DIP2C: variants seen among roughly 807,000 people sequenced by gnomAD.
DIP2C encodes the protein DIP2 acetate--CoA ligase C (putative), also known as disco-interacting protein 2 homolog C.
Under a neutral mutation model 192.4 loss-of-function variants are expected in DIP2C, and 33 were observed. The ratio of observed to expected loss-of-function variants is 0.17; its 90% CI spans 0.13 to 0.23. The LOEUF (loss-of-function observed/expected upper bound fraction) is 0.23, where lower values mean the gene tolerates loss of function less well. Among genes scored for constraint, DIP2C ranks in the 10% least tolerant of loss-of-function variants. The probability of loss-of-function intolerance (pLI) is 1.00; values close to 1 mark genes in which losing one functional copy is unlikely to be tolerated. For synonymous variants in DIP2C, 979 were observed against 864.1 expected, an observed-to-expected ratio of 1.13 and a Z score of -2.33; for missense variants, 1,537 against 2,110.1, an observed-to-expected ratio of 0.73 and a Z score of 5.32.
intron 14 of DIP2C, among the ~76,000 whole-genome samples, chr10:385,024 G>A (rs1369611829): frequency 6.8e-6 from 1 of 147,478 alleles, no homozygotes. Context: ...CTCAGAGAGT[G>A]CCACGGACAC....
intron 1 of DIP2C, among the ~76,000 whole-genome samples, chr10:505,135 T>C (rs556322885): frequency 2.0e-5 from 3 of 152,104 alleles, no homozygotes; most frequent in Non-Finnish European, 4.4e-5. Flanking sequence ...AAAAGAAAAC[T>C]GTACAGAAAA....
chr10:671,300 C>G (rs1830620994), intron 1 of DIP2C, among the ~76,000 whole-genome samples: 1 of 152,246 alleles, frequency 6.6e-6, no homozygotes, highest in Non-Finnish European at 1.5e-5. Flanking sequence ...GGAAACACCA[C>G]AGATCCACAG....
At chr10:648,913 C>T (rs1480261349) in intron 1 of DIP2C, among the ~76,000 whole-genome samples, 1 of 150,206 alleles carries the variant, frequency 6.7e-6, no homozygotes, top group Non-Finnish European at 1.5e-5. Flanking sequence ...ACTGAGTCCA[C>T]GTCCACATTG....
intron 1 of DIP2C, among the ~76,000 whole-genome samples, chr10:566,647 G>A (rs926351540): frequency 1.3e-5 from 2 of 152,254 alleles, no homozygotes; most frequent in African/African-American, 4.8e-5. Flanking sequence ...TTTCTTCATA[G>A]CAACCCCTGG....
chr10:526,199 TCAC>T (rs1328334982), intron 1 of DIP2C, among the ~76,000 whole-genome samples: 1 of 152,114 alleles, frequency 6.6e-6, no homozygotes, highest in African/African-American at 2.4e-5. Flanking sequence ...TGTGCACGGC[TCAC>T]CACTCACAAA....
At chr10:422,493 C>G (rs556585966) in intron 5 of DIP2C, among the ~76,000 whole-genome samples, 2 of 152,278 alleles carry the variant, frequency 1.3e-5, no homozygotes, top group East Asian at 1.9e-4. Context: ...ATGACTCCCA[C>G]GGTCAGGACG....
At chr10:429,557 C>A (rs1323545747) in intron 4 of DIP2C, among the ~76,000 whole-genome samples, 2 of 135,892 alleles carry the variant, frequency 1.5e-5, no homozygotes. Flanking sequence ...GCTGCCTCCC[C>A]CTGGACCCTG....
chr10:645,851 A>G (rs1271214713), intron 1 of DIP2C, among the ~76,000 whole-genome samples: 1 of 152,192 alleles, frequency 6.6e-6, no homozygotes, highest in Non-Finnish European at 1.5e-5. Context: ...ATAGTTCAGG[A>G]AACACTGCTG....
intron 3 of DIP2C, 71 bp downstream of exon 3, chr10:472,368 T>C: frequency 7.0e-7 from 1 of 1,432,342 alleles, no homozygotes; most frequent in Non-Finnish European, 9.7e-7. Flanking sequence ...CCTCGCCCAG[T>C]GGCTGGGCAC....
intron 1 of DIP2C, among the ~76,000 whole-genome samples, chr10:578,979 G>A (rs1486504027): frequency 6.6e-6 from 1 of 152,026 alleles, no homozygotes; most frequent in Admixed American, 6.5e-5. Context: ...GATCCATGTA[G>A]TGTACATATG....
In DIP2C at chr10:375,463, T is replaced by C. The variant is rs114290587; in HGVS notation, c.1992-5830A>G. 6.0e-3 allele frequency among the ~76,000 whole-genome samples: 921 copies of C among 152,314 alleles called. 4 individuals carry two copies. Among genetic ancestry groups the C allele is most frequent in the Middle Eastern group, 0.014 (4 of 294 alleles). On this transcript the variant is annotated intron_variant, in intron 17 of 36. Transcript: ENST00000280886. Reference sequence around the variant, plus strand: ...CTTATAGATTACCCAGTCTCACACATTCCTTTATAACAATGCAAACACACC... The same window carrying C: ...CTTATAGATTACCCAGTCTCACACACTCCTTTATAACAATGCAAACACACC...
chr10:537,161 G>A (rs1335470111), intron 1 of DIP2C, among the ~76,000 whole-genome samples: 1 of 152,084 alleles, frequency 6.6e-6, no homozygotes, highest in Non-Finnish European at 1.5e-5. Context: ...ACCACCCAGA[G>A]GCAAGGCCGT....
chr10:319,353 G>A (rs954856788), intron 31 of DIP2C, among the ~76,000 whole-genome samples: 1 of 152,154 alleles, frequency 6.6e-6, no homozygotes, highest in African/African-American at 2.4e-5. Context: ...TAATAAAGCT[G>A]CCCTCTCAGA....
intron 10 of DIP2C, among the ~76,000 whole-genome samples, chr10:394,905 C>T (rs1431325208): frequency 2.0e-5 from 3 of 151,094 alleles, no homozygotes; most frequent in Admixed American, 6.6e-5. Context: ...GGAAGGTGAC[C>T]GTATGCTGAA....
chr10:569,857 T>C (rs973988599), intron 1 of DIP2C, among the ~76,000 whole-genome samples: 6 of 152,202 alleles, frequency 3.9e-5, no homozygotes, highest in African/African-American at 1.2e-4. Context: ...CCTTTCCTCC[T>C]GACTTAAAAT....
At chr10:528,826 C>T (rs1847210282) in intron 1 of DIP2C, among the ~76,000 whole-genome samples, 1 of 152,186 alleles carries the variant, frequency 6.6e-6, no homozygotes, top group African/African-American at 2.4e-5. Context: ...AGTTACCATC[C>T]TCCGTGGGGC....
At chr10:353,724 G>A (rs891389407) in intron 24 of DIP2C, among the ~76,000 whole-genome samples, 9 of 152,136 alleles carry the variant, frequency 5.9e-5, no homozygotes, top group East Asian at 1.9e-4. Context: ...AGCAAGACCG[G>A]GCCAAATTCA....
chr10:390,399 T>G, intron 11 of DIP2C, 26 bp from the exon 12 acceptor site: 1 of 1,603,372 alleles, frequency 6.2e-7, no homozygotes, highest in Non-Finnish European at 8.5e-7. Context: ...CAAGTTCCTT[T>G]TAAATGTTAC....
chr10:550,520 CTGTT>C (rs1371444529), intron 1 of DIP2C, among the ~76,000 whole-genome samples: 1 of 152,172 alleles, frequency 6.6e-6, no homozygotes, highest in African/African-American at 2.4e-5. Context: ...AAGTTTTACT[CTGTT>C]TACTATAGAT....
Sources: allele counts gnomAD v4.1 joint callset (sites outside exome capture counted in the v4.1 genomes callset), GRCh38; gene constraint gnomAD v4.1.1; transcripts MANE v1.5; gene names NCBI Gene and HGNC (gene_info 2026-07-23, HGNC 2026-07-21).